The following POLGARF variants were observed in gnomAD, a reference collection of about 807,000 sequenced individuals.
POLGARF encodes POLG alternative reading frame.
chr15:89,330,538 C>T, the POLGARF span, among the ~76,000 whole-genome samples: 1 of 152,158 alleles, frequency 6.6e-6, no homozygotes, highest in South Asian at 2.1e-4. Context: ...GACCTACGTG[C>T]AGGTATTCTA....
chr15:89,333,636 C>CGCT, the POLGARF span: 2 of 1,586,442 alleles, frequency 1.3e-6, no homozygotes, highest in Non-Finnish European at 1.7e-6. Flanking sequence ...CTGCCGCCGC[C>CGCT]GCTGCCCGTC....
chr15:89,333,240 G>A, the POLGARF span: 2 of 1,577,648 alleles, frequency 1.3e-6, no homozygotes, highest in Non-Finnish European at 8.6e-7. Flanking sequence ...CCAGCCCTCC[G>A]CCCAGGCCCA....
At chr15:89,330,331 CACA>C in the POLGARF span, 4 of 1,332,888 alleles carry the variant, frequency 3.0e-6, no homozygotes, top group Admixed American at 1.8e-5. Context: ...ACTTCCACTC[CACA>C]ACAACCACTG....
chr15:89,330,390 A>G, the POLGARF span: 1 of 823,914 alleles, frequency 1.2e-6, no homozygotes, highest in African/African-American at 1.7e-5. Context: ...AGCTGGGGAC[A>G]CAAGTGAGAC....
the POLGARF span, chr15:89,333,166 A>C: frequency 6.4e-7 from 1 of 1,553,314 alleles, no homozygotes; most frequent in South Asian, 1.2e-5. Context: ...TCCACGTCGA[A>C]CACCAGGGCC....
the POLGARF span, among the ~76,000 whole-genome samples, chr15:89,331,261 A>G: frequency 2.0e-5 from 3 of 152,204 alleles, no homozygotes; most frequent in Non-Finnish European, 4.4e-5. Flanking sequence ...TCATACTCCA[A>G]ATGGTGAAAA....
chr15:89,333,726 G>T, the POLGARF span: 1 of 1,535,982 alleles, frequency 6.5e-7, no homozygotes, highest in East Asian at 2.4e-5. Context: ...GGTGGCGCCG[G>T]CCACCTTCCT....
chr15:89,332,121 C>G, the POLGARF span: 1 of 152,362 alleles, frequency 6.6e-6, no homozygotes, highest in African/African-American at 2.4e-5. Context: ...CTTTGACCAT[C>G]AAGTTACATA....
At chr15:89,332,620 G>T in the POLGARF span, among the ~76,000 whole-genome samples, 2 of 150,120 alleles carry the variant, frequency 1.3e-5, no homozygotes, top group Non-Finnish European at 3.0e-5. Flanking sequence ...GGGCGGGGGG[G>T]TGTTGGTCTG....
At chr15:89,332,938 G>A in the POLGARF span, among the ~76,000 whole-genome samples, 1 of 152,174 alleles carries the variant, frequency 6.6e-6, no homozygotes, top group Non-Finnish European at 1.5e-5. Context: ...ACCAGAAAGT[G>A]AGTCCCACAT....
the POLGARF span, chr15:89,333,467 G>C: frequency 3.7e-6 from 6 of 1,611,684 alleles, no homozygotes; most frequent in Middle Eastern, 1.6e-4. Flanking sequence ...CCGCGGCCTC[G>C]CCAGGCATCT....
the POLGARF span, chr15:89,330,262 C>G: frequency 6.2e-7 from 1 of 1,611,490 alleles, no homozygotes; most frequent in South Asian, 1.1e-5. Context: ...CAGCCGCTGG[C>G]TGCACCAGGA....
the POLGARF span, chr15:89,330,301 G>T: frequency 1.3e-6 from 2 of 1,583,222 alleles, no homozygotes; most frequent in Non-Finnish European, 1.7e-6. Context: ...AGGCAGGCAG[G>T]TTCACCATGG....
the POLGARF span, chr15:89,333,170 C>T: frequency 1.3e-6 from 2 of 1,560,914 alleles, no homozygotes; most frequent in Non-Finnish European, 1.7e-6. Context: ...CGTCGAACAC[C>T]AGGGCCCGCT....
At chr15:89,330,825 AC>A in the POLGARF span, among the ~76,000 whole-genome samples, 2 of 151,120 alleles carry the variant, frequency 1.3e-5, no homozygotes, top group Admixed American at 6.6e-5. Context: ...AGCAAATCAC[AC>A]ACCTTGGAGA....
chr15:89,332,706 C>A, the POLGARF span, among the ~76,000 whole-genome samples: 1 of 151,836 alleles, frequency 6.6e-6, no homozygotes. Flanking sequence ...AGCTTTCTAC[C>A]GCCCAAAATA....
the POLGARF span, chr15:89,333,578 CG>C: frequency 6.2e-7 from 1 of 1,609,618 alleles, no homozygotes; most frequent in Non-Finnish European, 8.5e-7. Context: ...ATAGCACTTG[CG>C]GCTGCTGAGG....
the POLGARF span, among the ~76,000 whole-genome samples, chr15:89,331,748 C>T: frequency 1.5e-3 from 231 of 152,220 alleles, 1 homozygote; most frequent in Non-Finnish European, 2.4e-3. Context: ...CAAAGTGGAC[C>T]GCTATTAGGG....
At chr15:89,331,826 G>T in the POLGARF span, among the ~76,000 whole-genome samples, 1 of 151,870 alleles carries the variant, frequency 6.6e-6, no homozygotes, top group Non-Finnish European at 1.5e-5. Context: ...ATGAGCCCAG[G>T]CCTTAACAGT....
Sources: allele counts gnomAD v4.1 joint callset (sites outside exome capture counted in the v4.1 genomes callset), GRCh38; gene constraint gnomAD v4.1.1; transcripts MANE v1.5; gene names NCBI Gene and HGNC (gene_info 2026-07-23, HGNC 2026-07-21).